HAUS3: variants seen among roughly 807,000 people sequenced by gnomAD.
The protein encoded by HAUS3 is HAUS augmin-like complex subunit 3.
In HAUS3, 36 loss-of-function variants were observed where a neutral mutation model predicts 55.2. The observed-to-expected ratio is 0.65, with a 90% CI of 0.50 to 0.86. The LOEUF (loss-of-function observed/expected upper bound fraction) is 0.86, where lower values mean the gene tolerates loss of function less well. Ranked by LOEUF, HAUS3 falls within the 40% of genes least tolerant of loss-of-function variation. The pLI, the probability that HAUS3 is intolerant of heterozygous loss-of-function variation, is 0.00. For synonymous variants in HAUS3, 234 were observed against 238.6 expected (o/e 0.98, Z 0.18); for missense variants, 752 against 671.5 (o/e 1.12, Z -1.33).
At position 2,231,776 on chromosome 4, in the gene HAUS3, T is replaced by A. The variant is rs889122360; in HGVS notation, c.*151A>T. On this transcript the variant is annotated 3_prime_UTR_variant, in exon 6 of 6. Coordinates refer to ENST00000443786, the MANE Select transcript of HAUS3 (RefSeq NM_001303143.2). ...GCACTGGTATTCTGAATGTACTACA[T>A]GAGAAAAAAGACAAATTAATATAAT... is the stretch of plus-strand genomic sequence containing the variant. 3.1e-5 allele frequency: 17 copies of A among 540,384 alleles called. No individual in the cohort carries two copies. Among genetic ancestry groups the A allele is most frequent in the Non-Finnish European group, 5.6e-5 (17 of 304,932 alleles). The allele number at this position is 540,384 out of a possible 1,614,324, so 33.5% of individuals were successfully genotyped here.
rs1025742653 is a variant in HAUS3, at chr4:2,242,053, C to T, written c.-421G>A. On this transcript the variant is annotated splice_region_variant and 5_prime_UTR_variant, in exon 1 of 6. Transcript: ENST00000443786. ...GAACCGAGGCCCGCGTCAGTCACCT[C>T]AGGAAGTTCCGCTTGCTTCTCGCAG... 6.1e-6 allele frequency: 6 copies of T among 985,750 alleles called. No individual in the cohort carries two copies. Among genetic ancestry groups the T allele is most frequent in the Non-Finnish European group, 7.2e-6 (6 of 830,148 alleles). 61.1% of individuals were successfully genotyped at this position (985,750 alleles called of 1,614,324 possible).
rs1734942064 is a variant in HAUS3 at position 2,240,518 on chromosome 4, T to A, written c.429A>T (p.Glu143Asp). Residue 143 changes from glutamate (E) to aspartate (D), a missense_variant, in exon 3 of 6, where the codon GAA becomes GAT. Physicochemically the swap from Glu to Asp is conservative, Grantham distance 45. Transcript: ENST00000443786. ...KSLRLNAKEEEATKKLKQSQG... is the reference protein window; with the variant it reads ...KSLRLNAKEEDATKKLKQSQG... ...GACTCTGCTTCAGCTTTTTAGTGGC[T>A]TCTTCTTCTTTAGCATTTAACCTCA... 1 of 1,613,722 alleles carries A rather than the reference T, an allele frequency of 6.2e-7. No individual in the cohort carries two copies. The highest frequency in any genetic ancestry group is 8.5e-7 in the Non-Finnish European group (1 of 1,179,962).
chr4:2,240,397 T>C lies in HAUS3; in HGVS notation c.550A>G (p.Asn184Asp), dbSNP rs371531159. 6.2e-7 allele frequency: 1 copy of C among 1,612,090 alleles called. No individual in the cohort carries two copies. Among genetic ancestry groups the C allele is most frequent in the East Asian group, 2.2e-5 (1 of 44,874 alleles). Residue 184 changes from asparagine (N) to aspartate (D), a missense_variant, in exon 3 of 6, where the codon AAT (asparagine) becomes GAT (aspartate). Coordinates refer to ENST00000443786, the MANE Select transcript of HAUS3 (RefSeq NM_001303143.2). ...AGTGGATTTGTCCCTTGACCTAAAT[T>C]AGAATGTCTGAAGAACATCATCAAT... ...TQLMMFFRHS[N>D]LGQGTNPLVF...
At position 2,230,043 on chromosome 4, in the gene HAUS3, C is replaced by G. The variant is rs1484337624; in HGVS notation, c.*1884G>C. ...GGCATGGTGGCTTACACCTGTAATG[C>G]CAGCACTATGGAAGGCCAAGGCGGG... On this transcript the variant is annotated 3_prime_UTR_variant, in exon 6 of 6. Coordinates refer to ENST00000443786, the MANE Select transcript of HAUS3 (RefSeq NM_001303143.2). 1 of 152,252 alleles carries G rather than the reference C, an allele frequency of 6.6e-6. No individual in the cohort carries two copies. Among genetic ancestry groups the G allele is most frequent in the Non-Finnish European group, 1.5e-5 (1 of 68,182 alleles). 9.4% of individuals were successfully genotyped at this position (152,252 alleles called of 1,614,324 possible). A position where few individuals can be genotyped will look rare whatever the true frequency, so the allele number is the denominator to read the frequency against.
Position 2,229,522 on chromosome 4 carries a change from ATGT to A in HAUS3, c.*2402_*2404del, listed in dbSNP as rs569652964. On this transcript the variant is annotated 3_prime_UTR_variant, in exon 6 of 6. Transcript: ENST00000443786. ...TCAAATACATCCTGAGGTTTGAAAA[ATGT>A]TATTAAATCTTCAAATAGGCTGAGC... 2.9e-4 allele frequency: 64 copies of A among 224,298 alleles called. No homozygotes were observed. Among genetic ancestry groups the A allele is most frequent in the African/African-American group, 1.3e-3 (56 of 43,632 alleles). 13.9% of individuals were successfully genotyped at this position (224,298 alleles called of 1,614,324 possible).
At chr4:2,241,989 G>C (rs915097436) in intron 1 of HAUS3, 62 bp downstream of exon 1, 1 of 985,432 alleles carries the variant, frequency 1.0e-6, no homozygotes, top group Non-Finnish European at 1.2e-6. Flanking sequence ...TGCAGACGGG[G>C]ATCGCGGCCA....
At position 2,236,336 on chromosome 4, in the gene HAUS3, T is replaced by C. The variant is rs1483013227; in HGVS notation, c.1470A>G (p.Ala490=). The change falls in exon 5 of 6, where the codon GCA becomes GCG. Residue 490 remains alanine, a synonymous_variant. Coordinates refer to ENST00000443786, the MANE Select transcript of HAUS3 (RefSeq NM_001303143.2). ...AGAAAGAATGTTCTTGAGCAGATACTGCCAACTGATCTTGTACTAAAGAAA... is the reference window on the plus strand; with the variant it reads ...AGAAAGAATGTTCTTGAGCAGATACCGCCAACTGATCTTGTACTAAAGAAA... The part of the protein sequence containing the change: ...QNISLVQDQL[A]VSAQEHSFFL... 6.2e-7 allele frequency: 1 copy of C among 1,613,044 alleles called. No individual in the cohort carries two copies. The highest frequency in any genetic ancestry group is 8.5e-7 in the Non-Finnish European group (1 of 1,179,174).
chr4:2,240,668 T>G lies in HAUS3; in HGVS notation c.279A>C (p.Arg93Ser). Residue 93 changes from arginine to serine, a missense_variant, in exon 3 of 6, where the codon AGA (arginine) becomes AGC (serine). Physicochemically the swap from Arg to Ser is moderately radical, Grantham distance 110. Coordinates refer to ENST00000443786, the MANE Select transcript of HAUS3 (RefSeq NM_001303143.2). ...TCKTSDLKTP[R>S]LDDKELEKLE... ...ATTTCTCCAGCTCTTTATCATCCAG[T>G]CTAGGTGTCTTCAAATCAGAAGTTT... 6.2e-7 allele frequency: 1 copy of G among 1,614,054 alleles called. No homozygotes were observed. The highest frequency in any genetic ancestry group is 8.5e-7 in the Non-Finnish European group (1 of 1,179,992).
At position 2,229,301 on chromosome 4, in the gene HAUS3, A is replaced by T. The variant is rs1734493430; in HGVS notation, c.*2626T>A. ...TATATTAATCCTAAGACTATAAAAC[A>T]GGAAATACAATTATTTTCAAAAATT... is the stretch of plus-strand genomic sequence containing the variant. On this transcript the variant is annotated 3_prime_UTR_variant, in exon 6 of 6. Coordinates refer to ENST00000443786, the MANE Select transcript of HAUS3 (RefSeq NM_001303143.2). The T allele has an allele frequency of 7.5e-7, 1 of 1,339,252 alleles. No individual in the cohort carries two copies. Among genetic ancestry groups the T allele is most frequent in the Non-Finnish European group, 1.0e-6 (1 of 993,064 alleles). The allele number at this position is 1,339,252 out of a possible 1,614,324, so 83.0% of individuals were successfully genotyped here.
chr4:2,238,679 A>G lies in HAUS3; in HGVS notation c.1274T>C (p.Met425Thr), dbSNP rs995730198. 1 of 1,613,492 alleles carries G rather than the reference A, an allele frequency of 6.2e-7. No homozygotes were observed. Among genetic ancestry groups the G allele is most frequent in the African/African-American group, 1.3e-5 (1 of 75,048 alleles). Residue 425 changes from methionine (M) to threonine (T), a missense_variant, in exon 4 of 6, where the codon ATG becomes ACG. By Grantham distance (81) the Met-to-Thr change is moderately conservative. Coordinates refer to ENST00000443786, the MANE Select transcript of HAUS3 (RefSeq NM_001303143.2). ...SNMMLYKQLE[M>T]LTDPSVSQQI... ...TTGAGAAACTGATGGATCTGTTAAC[A>G]TTTCTAATTGCTTGTAGAGCATCAT...
At position 2,236,290 on chromosome 4, in the gene HAUS3, C is replaced by A; in HGVS notation, c.1516G>T (p.Asp506Tyr). ...AAAGTATCACAAAGCATGTCCACAT[C>A]CTTATTCCGTTTGGACAGAAAGAAA... The part of the protein sequence containing the change: ...HSFFLSKRNK[D>Y]VDMLCDTLYQ... Residue 506 changes from aspartate to tyrosine, a missense_variant, in exon 5 of 6, where the codon GAT becomes TAT. By Grantham distance (160) the Asp-to-Tyr change is radical (BLOSUM62 -3). Coordinates refer to ENST00000443786, the MANE Select transcript of HAUS3 (RefSeq NM_001303143.2). The A allele has an allele frequency of 6.2e-7, 1 of 1,613,664 alleles. No homozygotes were observed. Among genetic ancestry groups the A allele is most frequent in the African/African-American group, 1.3e-5 (1 of 75,034 alleles).
At position 2,240,994 on chromosome 4, in the gene HAUS3, T is replaced by C. The variant is rs746541138; in HGVS notation, c.-48A>G. On this transcript the variant is annotated 5_prime_UTR_variant, in exon 3 of 6. Transcript: ENST00000443786. ...TTGTATCTGATATGGGTTTACGGTG[T>C]TGATTTTTAGAAAATAAATCCAAGC... 1.1e-5 allele frequency: 15 copies of C among 1,379,618 alleles called. No individual in the cohort carries two copies. The highest frequency in any genetic ancestry group is 1.5e-5 in the African/African-American group (1 of 68,382). 85.5% of individuals were successfully genotyped at this position (1,379,618 alleles called of 1,614,324 possible). A position where few individuals can be genotyped will look rare whatever the true frequency, so the allele number is the denominator to read the frequency against.
rs747083462 is a variant in HAUS3, at chr4:2,238,702, C to G, written c.1251G>C (p.Met417Ile). The G allele has an allele frequency of 1.9e-6, 3 of 1,612,784 alleles. No homozygotes were observed. The African/African-American group carries it at 4.0e-5, about 22-fold the overall frequency. ...ACATTTCTAATTGCTTGTAGAGCAT[C>G]ATGTTACTTTGACTAAGTTCTTGAA... is the stretch of plus-strand genomic sequence containing the variant. ...NLVQELSQSNMMLYKQLEMLT... is the reference protein window; with the variant it reads ...NLVQELSQSNIMLYKQLEMLT... The change falls in exon 4 of 6, where the codon ATG (methionine) becomes ATC (isoleucine). Residue 417 changes from methionine (M) to isoleucine (I), a missense_variant. Coordinates refer to ENST00000443786, the MANE Select transcript of HAUS3 (RefSeq NM_001303143.2).
Position 2,240,806 on chromosome 4 carries a change from C to T in HAUS3, c.141G>A (p.Val47=). The change falls in exon 3 of 6, where the codon GTG becomes GTA. Residue 47 remains valine, a synonymous_variant. Coordinates refer to ENST00000443786, the MANE Select transcript of HAUS3 (RefSeq NM_001303143.2). ...ESFLKWFCGN[V]NEQNVLSERE... ...TTTCAGACAACACGTTCTGTTCATTCACATTCCCACAAAACCACTTCAGAA... is the reference window on the plus strand; with the variant it reads ...TTTCAGACAACACGTTCTGTTCATTTACATTCCCACAAAACCACTTCAGAA... 1 of 1,613,906 alleles carries T rather than the reference C, an allele frequency of 6.2e-7. No individual in the cohort carries two copies.
chr4:2,234,690 G>T (rs1449460355), intron 5 of HAUS3, among the ~76,000 whole-genome samples: 4 of 151,982 alleles, frequency 2.6e-5, no homozygotes, highest in African/African-American at 9.7e-5. Context: ...AAATGGCAAA[G>T]GAATATTAAT....
Position 2,239,063 on chromosome 4 carries a change from T to A in HAUS3, c.910-20A>T. ...CACAGCCTATACAAAGAAAAGCAAT[T>A]ACATTTCAAACTGTATGCCTAAATT... On this transcript the variant is annotated intron_variant, in intron 3 of 5. Coordinates refer to ENST00000443786, the MANE Select transcript of HAUS3 (RefSeq NM_001303143.2). 1 of 1,359,066 alleles carries A rather than the reference T, an allele frequency of 7.4e-7. No individual in the cohort carries two copies. The highest frequency in any genetic ancestry group is 9.8e-7 in the Non-Finnish European group (1 of 1,019,152). 84.2% of individuals were successfully genotyped at this position (1,359,066 alleles called of 1,614,324 possible). A position where few individuals can be genotyped will look rare whatever the true frequency, so the allele number is the denominator to read the frequency against.
At position 2,230,110 on chromosome 4, in the gene HAUS3, CAT is replaced by C. The variant is rs961876882; in HGVS notation, c.*1815_*1816del. 1 of 152,616 alleles carries C rather than the reference CAT, an allele frequency of 6.6e-6. No individual in the cohort carries two copies. The highest frequency in any genetic ancestry group is 1.5e-5 in the Non-Finnish European group (1 of 68,418). The allele number at this position is 152,616 out of a possible 1,614,324, so 9.5% of individuals were successfully genotyped here. A position where few individuals can be genotyped will look rare whatever the true frequency, so the allele number is the denominator to read the frequency against. On this transcript the variant is annotated 3_prime_UTR_variant, in exon 6 of 6. Transcript: ENST00000443786. ...AGGAGTTTGAGACCAGCCTGACCAA[CAT>C]GGTGAAACCCCGTCTCTACTGAAAA...
At position 2,240,289 on chromosome 4, in the gene HAUS3, T is replaced by A. The variant is rs765532207; in HGVS notation, c.658A>T (p.Lys220Ter). 1 of 1,612,664 alleles carries A rather than the reference T, an allele frequency of 6.2e-7. No individual in the cohort carries two copies. Among genetic ancestry groups the A allele is most frequent in the Non-Finnish European group, 8.5e-7 (1 of 1,179,086 alleles). Reference sequence around the variant, plus strand: ...TCATGTATACCCTGAAAGAACTGTTTTTTGGTATACAAAGTTAATGCTGCT... The same window carrying A: ...TCATGTATACCCTGAAAGAACTGTTATTTGGTATACAAAGTTAATGCTGCT... Reference protein sequence around the residue: ...STAALTLYTKKQFFQGIHEVV... With the variant: ...STAALTLYTK Residue 220 changes from lysine to a stop codon, truncating the protein, a stop_gained, in exon 3 of 6, where the codon AAA becomes TAA. Transcript: ENST00000443786. LOFTEE classifies it high-confidence loss of function.
At chr4:2,232,338 T>C (rs1361734127) in intron 5 of HAUS3, among the ~76,000 whole-genome samples, 178 bp from the exon 6 acceptor site, 4 of 152,192 alleles carry the variant, frequency 2.6e-5, no homozygotes, top group Admixed American at 2.0e-4. Flanking sequence ...CTAAGTAAGA[T>C]TAATTGCAAC....
Sources: allele counts gnomAD v4.1 joint callset (sites outside exome capture counted in the v4.1 genomes callset), GRCh38; gene constraint gnomAD v4.1.1; transcripts MANE v1.5; gene names NCBI Gene and HGNC (gene_info 2026-07-23, HGNC 2026-07-21).